RUSF1: variants seen among roughly 807,000 people sequenced by gnomAD.
RUSF1 encodes the protein RUS1 family protein C16orf58.
Under a neutral mutation model 63.0 loss-of-function variants are expected in RUSF1, and 58 were observed. The ratio of observed to expected loss-of-function variants is 0.92; its 90% CI spans 0.75 to 1.15. RUSF1 has a LOEUF of 1.15. RUSF1 is among the 50% of genes most tolerant of loss of function. The probability of loss-of-function intolerance (pLI) is 0.00; values close to 1 mark genes in which losing one functional copy is unlikely to be tolerated. For missense variants in RUSF1, 652 were observed against 611.0 expected (o/e 1.07, Z -0.71); for synonymous variants, 274 against 255.8 (o/e 1.07, Z -0.68).
intron 3 of RUSF1, 84 bp downstream of exon 3, chr16:31,500,602 A>G (rs2082627913): frequency 6.7e-7 from 1 of 1,494,324 alleles, no homozygotes; most frequent in African/African-American, 1.4e-5. Context: ...CCTTACAGCC[A>G]CAATTAATGG....
chr16:31,494,331 G>A (rs921868475), intron 6 of RUSF1, among the ~76,000 whole-genome samples: 5 of 152,082 alleles, frequency 3.3e-5, no homozygotes, highest in Non-Finnish European at 5.9e-5. Flanking sequence ...GACCAGCTTC[G>A]GCAACACGGT....
In RUSF1 at chr16:31,490,212, A is replaced by G; in HGVS notation, c.*623T>C. On this transcript the variant is annotated 3_prime_UTR_variant, in exon 13 of 13. Coordinates refer to ENST00000327237, the MANE Select transcript of RUSF1 (RefSeq NM_022744.4). The stretch of plus-strand genomic sequence containing the variant: ...CCCTGTACAGAATGGGTGCCCAGAG[A>G]GTGCCATGGAGATGAATGGTAGGGC... 1 of 1,614,182 alleles carries G rather than the reference A, an allele frequency of 6.2e-7. No individual in the cohort carries two copies. Among genetic ancestry groups the G allele is most frequent in the South Asian group, 1.1e-5 (1 of 91,080 alleles).
At chr16:31,504,346 G>A (rs2082647511) in intron 2 of RUSF1, among the ~76,000 whole-genome samples, 1 of 152,036 alleles carries the variant, frequency 6.6e-6, no homozygotes, top group Non-Finnish European at 1.5e-5. Flanking sequence ...TCGGTTCAGT[G>A]CAACCTCCAC....
At chr16:31,506,991 A>G (rs2082662664) in intron 2 of RUSF1, among the ~76,000 whole-genome samples, 1 of 152,220 alleles carries the variant, frequency 6.6e-6, no homozygotes, top group African/African-American at 2.4e-5. Flanking sequence ...TGATGCTACG[A>G]ATGGAAAGCG....
rs374209217 is a variant in RUSF1 at position 31,500,506 on chromosome 16, A to G, written c.461+180T>C. On this transcript the variant is annotated intron_variant, in intron 3 of 12. Transcript: ENST00000327237. ...ACAGAGGCTCAGGGGGCACAGTTAC[A>G]GCTGTTAATGGTAGCTAGTGTTTAC... 1.9e-4 allele frequency among the ~76,000 whole-genome samples: 29 copies of G among 152,352 alleles called. No homozygotes were observed. The East Asian group carries it at 5.4e-3, about 28-fold the overall frequency.
At position 31,490,146 on chromosome 16, in the gene RUSF1, C is replaced by T. The variant is rs763557593; in HGVS notation, c.*689G>A. On this transcript the variant is annotated 3_prime_UTR_variant, in exon 13 of 13. Transcript: ENST00000327237. ...CAGTCTCCGGCATAGCAAGGAGGAACGGGAGGACCTGGATGCTGATGAGCA... is the reference window on the plus strand; with the variant it reads ...CAGTCTCCGGCATAGCAAGGAGGAATGGGAGGACCTGGATGCTGATGAGCA... The T allele has an allele frequency of 9.9e-6, 16 of 1,614,026 alleles. No homozygotes were observed. The highest frequency in any genetic ancestry group is 6.7e-5 in the Admixed American group (4 of 60,006).
chr16:31,492,926 G>C, intron 10 of RUSF1, 52 bp downstream of exon 10: 2 of 1,547,422 alleles, frequency 1.3e-6, no homozygotes, highest in Non-Finnish European at 1.8e-6. Flanking sequence ...GGAGGAATGA[G>C]AGGCTGACCT....
intron 2 of RUSF1, 62 bp downstream of exon 2, chr16:31,507,702 A>G (rs2082667222): frequency 3.4e-6 from 5 of 1,453,458 alleles, no homozygotes; most frequent in African/African-American, 1.4e-5. Context: ...ATATACACAT[A>G]AGAGCCCAGC....
At position 31,508,176 on chromosome 16, in the gene RUSF1, G is replaced by C; in HGVS notation, c.198C>G (p.Pro66=). ...DAGEVGASGA[P]SPPLSGLQAV... ...CCTGGAGCCCGGAGAGGGGCGGTGA[G>C]GGGGCCCCGGAAGCCCCCACTTCGC... Residue 66 remains proline, a synonymous_variant, in exon 1 of 13, where the codon CCC becomes CCG. Transcript: ENST00000327237. 3 of 1,574,392 alleles carry C rather than the reference G, an allele frequency of 1.9e-6. No homozygotes were observed. The highest frequency in any genetic ancestry group is 3.3e-4 in the Middle Eastern group (2 of 5,974).
rs1322036200 is a variant in RUSF1 at position 31,490,791 on chromosome 16, T to TG, written c.*43dup. On this transcript the variant is annotated 3_prime_UTR_variant, in exon 13 of 13. Transcript: ENST00000327237. ...TGTCCTGCTGTGGCCAAAGTGTCCT[T>TG]GCTCCAGGTTCCTGCCCTGGGCTTG... is the stretch of plus-strand genomic sequence containing the variant. The TG allele has an allele frequency of 1.3e-5, 20 of 1,598,964 alleles. No individual in the cohort carries two copies. The highest frequency in any genetic ancestry group is 1.7e-5 in the Non-Finnish European group (20 of 1,166,684).
intron 11 of RUSF1, 35 bp downstream of exon 11, chr16:31,492,162 T>C: frequency 6.2e-7 from 1 of 1,611,174 alleles, no homozygotes; most frequent in Non-Finnish European, 8.5e-7. Context: ...CTCCCCACCC[T>C]GAGGCATCAG....
At position 31,508,110 on chromosome 16, in the gene RUSF1, C is replaced by T. The variant is rs2082671321; in HGVS notation, c.264G>A (p.Pro88=). The T allele has an allele frequency of 6.2e-7, 1 of 1,604,864 alleles. No homozygotes were observed. Among genetic ancestry groups the T allele is most frequent in the African/African-American group, 1.3e-5 (1 of 74,752 alleles). Residue 88 remains proline, a synonymous_variant, in exon 1 of 13, where the codon CCG becomes CCA. Coordinates refer to ENST00000327237, the MANE Select transcript of RUSF1 (RefSeq NM_022744.4). ...LPQGFPDSVS[P]DYLPYQLWDS... ...CCCACAGCTGGTAGGGCAAGTAGTCCGGGCTGACGCTATCAGGGAAGCCCT... is the reference window on the plus strand; with the variant it reads ...CCCACAGCTGGTAGGGCAAGTAGTCTGGGCTGACGCTATCAGGGAAGCCCT...
At chr16:31,492,418 C>T in intron 10 of RUSF1, 78 bp from the exon 11 acceptor site, 1 of 1,452,056 alleles carries the variant, frequency 6.9e-7, no homozygotes, top group Non-Finnish European at 9.1e-7. Flanking sequence ...CCCTGCTTCC[C>T]CTGTCTGCCC....
intron 2 of RUSF1, among the ~76,000 whole-genome samples, chr16:31,504,334 T>C (rs2082647431): frequency 6.6e-6 from 1 of 152,180 alleles, no homozygotes; most frequent in African/African-American, 2.4e-5. Flanking sequence ...AGTGGCACTA[T>C]CTCGGTTCAG....
intron 11 of RUSF1, 43 bp from the exon 12 acceptor site, chr16:31,492,129 C>A (rs2082573419): frequency 1.2e-6 from 2 of 1,613,410 alleles, no homozygotes; most frequent in Non-Finnish European, 1.7e-6. Context: ...TGTCCTCCAG[C>A]AGGACAGAGT....
intron 6 of RUSF1, among the ~76,000 whole-genome samples, chr16:31,495,026 T>C (rs1185742521): frequency 6.6e-6 from 1 of 152,200 alleles, no homozygotes; most frequent in African/African-American, 2.4e-5. Context: ...TCCTTTGGTA[T>C]GCAGTAACTG....
Position 31,490,145 on chromosome 16 carries a change from A to G in RUSF1, c.*690T>C. On this transcript the variant is annotated 3_prime_UTR_variant, in exon 13 of 13. Coordinates refer to ENST00000327237, the MANE Select transcript of RUSF1 (RefSeq NM_022744.4). ...TCAGTCTCCGGCATAGCAAGGAGGA[A>G]CGGGAGGACCTGGATGCTGATGAGC... is the stretch of plus-strand genomic sequence containing the variant. 6.2e-7 allele frequency: 1 copy of G among 1,614,130 alleles called. No individual in the cohort carries two copies. Among genetic ancestry groups the G allele is most frequent in the Non-Finnish European group, 8.5e-7 (1 of 1,180,026 alleles).
At chr16:31,498,655 G>C (rs779565161) in intron 5 of RUSF1, among the ~76,000 whole-genome samples, 1 of 152,194 alleles carries the variant, frequency 6.6e-6, no homozygotes, top group African/African-American at 2.4e-5. Flanking sequence ...TTGGCGTGGA[G>C]GAAGAGTGTG....
At chr16:31,501,352 C>G (rs992163232) in intron 2 of RUSF1, among the ~76,000 whole-genome samples, 2 of 152,036 alleles carry the variant, frequency 1.3e-5, no homozygotes, top group Admixed American at 6.6e-5. Flanking sequence ...TTTGGGATTA[C>G]AGGGGGTTTG....
Sources: allele counts gnomAD v4.1 joint callset (sites outside exome capture counted in the v4.1 genomes callset), GRCh38; gene constraint gnomAD v4.1.1; transcripts MANE v1.5; gene names NCBI Gene and HGNC (gene_info 2026-07-23, HGNC 2026-07-21).